CACNA1C: variants seen among roughly 807,000 people sequenced by gnomAD.
CACNA1C encodes voltage-dependent L-type calcium channel subunit alpha-1C.
In CACNA1C, 30 loss-of-function variants were observed where a neutral mutation model predicts 229.0. The ratio of observed to expected loss-of-function variants is 0.13; its 90% CI spans 0.10 to 0.18. CACNA1C has a LOEUF of 0.18. CACNA1C is among the 10% of genes least tolerant of loss of function. The pLI, the probability that CACNA1C is intolerant of heterozygous loss-of-function variation, is 1.00. For synonymous variants in CACNA1C, 1,114 were observed against 1,132.5 expected (o/e 0.98, Z 0.33); for missense variants, 1,658 against 2,845.0 (o/e 0.58, Z 9.49).
At chr12:2,301,133 A>C (rs868778320) in intron 3 of CACNA1C, among the ~76,000 whole-genome samples, 1 of 152,160 alleles carries the variant, frequency 6.6e-6, no homozygotes, top group Non-Finnish European at 1.5e-5. Context: ...CACACTTAGC[A>C]CGGCCCAAGA....
chr12:2,092,386 C>G (rs2071577283), intron 1 of CACNA1C, among the ~76,000 whole-genome samples: 1 of 152,226 alleles, frequency 6.6e-6, no homozygotes, highest in Non-Finnish European at 1.5e-5. Flanking sequence ...AACTGCCAGC[C>G]AGATGGAAGA....
intron 3 of CACNA1C, among the ~76,000 whole-genome samples, chr12:2,228,768 C>A (rs2063799785): frequency 6.6e-6 from 1 of 152,210 alleles, no homozygotes; most frequent in African/African-American, 2.4e-5. Context: ...CAGTGCCCCA[C>A]TTTTCCCATC....
At chr12:1,973,318 T>C (rs1374034119) in intron 1 of CACNA1C, among the ~76,000 whole-genome samples, 3 of 152,148 alleles carry the variant, frequency 2.0e-5, no homozygotes, top group Non-Finnish European at 4.4e-5. Flanking sequence ...GGGTGACTAA[T>C]ACTCATGAAC....
intron 3 of CACNA1C, among the ~76,000 whole-genome samples, chr12:2,340,963 GA>G (rs1003063976): frequency 7.0e-6 from 1 of 143,726 alleles, no homozygotes; most frequent in East Asian, 2.0e-4. Flanking sequence ...TCTCAAAAAA[GA>G]AAAAAAAAAG....
At chr12:2,197,296 G>A (rs2097436439) in intron 3 of CACNA1C, among the ~76,000 whole-genome samples, 1 of 152,200 alleles carries the variant, frequency 6.6e-6, no homozygotes, top group Admixed American at 6.5e-5. Flanking sequence ...GGAAATGCAT[G>A]TGTTCCTCTC....
chr12:2,440,302 C>T (rs1010366184), intron 3 of CACNA1C, among the ~76,000 whole-genome samples: 1 of 152,132 alleles, frequency 6.6e-6, no homozygotes, highest in Non-Finnish European at 1.5e-5. Context: ...CCCAGCCCCT[C>T]GTAACCCGTA....
chr12:2,576,769 C>T (rs1249490826), intron 13 of CACNA1C, among the ~76,000 whole-genome samples: 1 of 151,940 alleles, frequency 6.6e-6, no homozygotes, highest in East Asian at 1.9e-4. Flanking sequence ...GTCACCCTAC[C>T]CACCTCAAAG....
intron 3 of CACNA1C, among the ~76,000 whole-genome samples, chr12:2,301,998 AC>A (rs1400428626): frequency 6.6e-6 from 1 of 152,278 alleles, no homozygotes. Context: ...CAGTAATCTT[AC>A]AAAAAGTATG....
rs149372111 is a variant in CACNA1C at position 2,594,642 on chromosome 12, C to T, written c.2664-1232C>T. Among the ~76,000 whole-genome samples, 66 of 152,274 alleles carry T rather than the reference C, an allele frequency of 4.3e-4. 2 individuals are homozygous for T. Among genetic ancestry groups the T allele is most frequent in the African/African-American group, 1.6e-3 (65 of 41,552 alleles). ...ATTTCAAATATAGTTGTTTTATAGT[C>T]TATATCTAATATTTCCAATACCTCC... is the stretch of plus-strand genomic sequence containing the variant. On this transcript the variant is annotated intron_variant, in intron 19 of 46. Coordinates refer to ENST00000399655, the MANE Select transcript of CACNA1C (RefSeq NM_000719.7).
chr12:2,176,578 TG>T (rs1310753243), intron 3 of CACNA1C, among the ~76,000 whole-genome samples: 2 of 142,008 alleles, frequency 1.4e-5, no homozygotes, highest in Non-Finnish European at 3.1e-5. Flanking sequence ...GGGTTGGAGC[TG>T]GGGGGCAGCA....
chr12:2,322,419 G>T (rs1273133601), intron 3 of CACNA1C, among the ~76,000 whole-genome samples: 1 of 152,210 alleles, frequency 6.6e-6, no homozygotes, highest in Non-Finnish European at 1.5e-5. Context: ...GCCACCGTGG[G>T]AGACTCCCAA....
intron 29 of CACNA1C, among the ~76,000 whole-genome samples, chr12:2,628,424 A>G (rs2088347687): frequency 6.6e-6 from 1 of 152,214 alleles, no homozygotes; most frequent in Admixed American, 6.5e-5. Flanking sequence ...GAGTTTGAAT[A>G]CTAGTGACCT....
intron 4 of CACNA1C, among the ~76,000 whole-genome samples, chr12:2,450,510 T>C (rs191033626): frequency 0.17 from 20,502 of 121,776 alleles, 1,640 homozygotes; most frequent in African/African-American, 0.21. Flanking sequence ...GCCGAGATCA[T>C]GCCACTGCAC....
chr12:2,031,492 C>G (rs1319702999), intron 1 of CACNA1C, among the ~76,000 whole-genome samples: 1 of 152,098 alleles, frequency 6.6e-6, no homozygotes, highest in African/African-American at 2.4e-5. Flanking sequence ...ATTCCTTGTC[C>G]CATGTCTTTT....
intron 3 of CACNA1C, among the ~76,000 whole-genome samples, chr12:2,173,541 C>A (rs937233530): frequency 6.6e-6 from 1 of 152,150 alleles, no homozygotes; most frequent in Non-Finnish European, 1.5e-5. Context: ...TGTATAATCA[C>A]CCCATTTGTT....
intron 3 of CACNA1C, among the ~76,000 whole-genome samples, chr12:2,255,779 C>T (rs984566727): frequency 4.3e-5 from 1 of 23,060 alleles, no homozygotes; most frequent in Non-Finnish European, 9.4e-5. Flanking sequence ...TCACATTAAA[C>T]AAAATAGACC....
At chr12:2,197,940 T>C (rs1866710277) in intron 3 of CACNA1C, among the ~76,000 whole-genome samples, 1 of 152,246 alleles carries the variant, frequency 6.6e-6, no homozygotes, top group Non-Finnish European at 1.5e-5. Context: ...TGGTTTCATT[T>C]GGAACGCTTT....
In CACNA1C at chr12:2,081,444, G is replaced by A. The variant is rs1000397598; in HGVS notation, c.49+27833G>A. Among the ~76,000 whole-genome samples, 5 of 152,066 alleles carry A rather than the reference G, an allele frequency of 3.3e-5. 1 individual carries two copies. Among genetic ancestry groups the A allele is most frequent in the East Asian group, 3.9e-4 (2 of 5,180 alleles). On this transcript the variant is annotated intron_variant, in intron 1 of 46. Coordinates refer to ENST00000399655, the MANE Select transcript of CACNA1C (RefSeq NM_000719.7). ...AAATTAGCCGAGCATATTGGCGGGC[G>A]CCTGTAGTCCCCGCTACTCGGGAGG...
At chr12:2,405,860 A>G (rs950820130) in intron 3 of CACNA1C, among the ~76,000 whole-genome samples, 6 of 152,194 alleles carry the variant, frequency 3.9e-5, no homozygotes, top group African/African-American at 1.4e-4. Flanking sequence ...GTTCTTCCTT[A>G]CTTCCTGATA....
Sources: allele counts gnomAD v4.1 joint callset (sites outside exome capture counted in the v4.1 genomes callset), GRCh38; gene constraint gnomAD v4.1.1; transcripts MANE v1.5; gene names NCBI Gene and HGNC (gene_info 2026-07-23, HGNC 2026-07-21).